The following PTPN9 variants were observed in gnomAD, a reference collection of about 807,000 sequenced individuals.
The protein encoded by PTPN9 is protein tyrosine phosphatase non-receptor type 9, also known as tyrosine-protein phosphatase non-receptor type 9.
A neutral mutation model predicts 69.8 loss-of-function variants in PTPN9; 26 were observed. The observed-to-expected ratio is 0.37, with a 90% CI of 0.27 to 0.52. PTPN9 has a LOEUF of 0.52. PTPN9 is among the 20% of genes least tolerant of loss of function. The probability of loss-of-function intolerance (pLI) is 0.91; values close to 1 mark genes in which losing one functional copy is unlikely to be tolerated. For synonymous variants in PTPN9, 274 were observed against 272.5 expected (o/e 1.01, Z -0.05); for missense variants, 549 against 740.3 (o/e 0.74, Z 3.00).
intron 8 of PTPN9, chr15:75,487,276 C>CTAA (rs1176554689): frequency 4.0e-5 from 6 of 149,656 alleles, no homozygotes; most frequent in African/African-American, 1.2e-4. Flanking sequence ...GTCCCCAAAG[C>CTAA]TAAGTAAATA....
Position 75,469,778 on chromosome 15 carries a change from AT to A in PTPN9, c.1567+13del, listed in dbSNP as rs748793696. 6.2e-6 allele frequency: 10 copies of A among 1,611,396 alleles called. No homozygotes were observed. Among genetic ancestry groups the A allele is most frequent in the Non-Finnish European group, 8.5e-6 (10 of 1,179,268 alleles). On this transcript the variant is annotated intron_variant, in intron 12 of 12. Coordinates refer to ENST00000618819, the MANE Select transcript of PTPN9 (RefSeq NM_002833.4). ...TGCCCCTGCAGACACCAAGAGCTGC[AT>A]TAGGTGCGTTACCTGTCCTGCCAAT...
At chr15:75,566,343 A>G (rs2075126383) in intron 1 of PTPN9, among the ~76,000 whole-genome samples, 1 of 152,230 alleles carries the variant, frequency 6.6e-6, no homozygotes, top group Non-Finnish European at 1.5e-5. Flanking sequence ...TAAACGTGTA[A>G]AGAACACATA....
intron 7 of PTPN9, among the ~76,000 whole-genome samples, chr15:75,495,753 CAAAAG>C (rs970087438): frequency 5.9e-5 from 9 of 151,622 alleles, no homozygotes; most frequent in Admixed American, 3.3e-4. Flanking sequence ...CAATAAAAAA[CAAAAG>C]AAAAAGAATG....
rs1377522518 is a variant in PTPN9, at chr15:75,509,042, CAT to C, written c.529-17_529-16del. On this transcript the variant is annotated splice_polypyrimidine_tract_variant and intron_variant, in intron 5 of 12. Transcript: ENST00000618819. Reference sequence around the variant, plus strand: ...GGAAATGCTCCCTGTGGAGAAAACACATGAGGATTTAAGTGTAATGGAACCTG... The same window carrying C: ...GGAAATGCTCCCTGTGGAGAAAACACGAGGATTTAAGTGTAATGGAACCTG... 1 of 1,604,226 alleles carries C rather than the reference CAT, an allele frequency of 6.2e-7. No homozygotes were observed. Among genetic ancestry groups the C allele is most frequent in the South Asian group, 1.1e-5 (1 of 90,690 alleles).
chr15:75,496,497 A>ATTTT (rs142240420), intron 7 of PTPN9, among the ~76,000 whole-genome samples: 1 of 147,596 alleles, frequency 6.8e-6, no homozygotes. Context: ...AGTATTATTA[A>ATTTT]CTTTTTTTTT....
rs1388427129 is a variant in PTPN9 at position 75,566,659 on chromosome 15, A to G, written c.63+12055T>C. On this transcript the variant is annotated intron_variant, in intron 1 of 12. Coordinates refer to ENST00000618819, the MANE Select transcript of PTPN9 (RefSeq NM_002833.4). ...GCACCACTGCACTCCAGCCTGGGCG[A>G]CAGAGTCTCACTCTGTCTCAAAAAA... 3.3e-5 allele frequency among the ~76,000 whole-genome samples: 5 copies of G among 151,788 alleles called. No individual in the cohort carries two copies. In the East Asian group the frequency reaches 9.7e-4, roughly 29 times the overall value.
At chr15:75,517,144 C>A in intron 5 of PTPN9, 115 bp downstream of exon 5, 1 of 702,122 alleles carries the variant, frequency 1.4e-6, no homozygotes, top group Non-Finnish European at 2.3e-6. Context: ...ATGACCTTTA[C>A]ATTGAACATA....
In PTPN9 at chr15:75,466,343, A is replaced by T. The variant is rs916927646; in HGVS notation, c.*2426T>A. On this transcript the variant is annotated 3_prime_UTR_variant, in exon 13 of 13. Coordinates refer to ENST00000618819, the MANE Select transcript of PTPN9 (RefSeq NM_002833.4). ...AATATTTCCCAGCCACAACTGCCCCAACTGGGCAGGCCATCAACAGCCAAC... is the reference window on the plus strand; with the variant it reads ...AATATTTCCCAGCCACAACTGCCCCTACTGGGCAGGCCATCAACAGCCAAC... 6.6e-6 allele frequency: 1 copy of T among 152,228 alleles called. No individual in the cohort carries two copies. The highest frequency in any genetic ancestry group is 2.4e-5 in the African/African-American group (1 of 41,454). 9.4% of individuals were successfully genotyped at this position (152,228 alleles called of 1,614,324 possible). A position where few individuals can be genotyped will look rare whatever the true frequency, so the allele number is the denominator to read the frequency against.
intron 7 of PTPN9, among the ~76,000 whole-genome samples, chr15:75,504,388 C>T (rs541375505): frequency 0.017 from 1,321 of 79,006 alleles, 20 homozygotes; most frequent in African/African-American, 0.064. Flanking sequence ...AGGTGGGGGG[C>T]TCAGCCCCCC....
Position 75,505,329 on chromosome 15 carries a change from G to T in PTPN9, c.968+346C>A, listed in dbSNP as rs530516264. On this transcript the variant is annotated intron_variant, in intron 7 of 12. Transcript: ENST00000618819. ...AGGGACACAAACACTGCGGAAGGCCGCAGGGTCCTCTGCCTAGGAAAACCA... is the reference window on the plus strand; with the variant it reads ...AGGGACACAAACACTGCGGAAGGCCTCAGGGTCCTCTGCCTAGGAAAACCA... Among the ~76,000 whole-genome samples the T allele has an allele frequency of 4.0e-5, 6 of 149,648 alleles. No individual in the cohort carries two copies. The East Asian group carries it at 5.9e-4, about 15-fold the overall frequency.
intron 10 of PTPN9, among the ~76,000 whole-genome samples, chr15:75,471,438 AC>A (rs1190164182): frequency 6.6e-6 from 1 of 152,068 alleles, no homozygotes; most frequent in African/African-American, 2.4e-5. Context: ...CCCTATCTCT[AC>A]TAAAAATACA....
chr15:75,485,826 C>T (rs1223674921), intron 8 of PTPN9, among the ~76,000 whole-genome samples: 9 of 151,324 alleles, frequency 5.9e-5, no homozygotes, highest in Middle Eastern at 3.4e-3. Flanking sequence ...GAAGGCCGGG[C>T]GCAGTGGCTC....
At chr15:75,554,876 C>A (rs118028692) in intron 1 of PTPN9, among the ~76,000 whole-genome samples, 2,457 of 152,262 alleles carry the variant, frequency 0.016, 36 homozygotes, top group Non-Finnish European at 0.028. Flanking sequence ...GGGCAACTAA[C>A]ACTGGAGTAA....
chr15:75,518,657 A>C lies in PTPN9; in HGVS notation c.423-1293T>G, dbSNP rs1375802472. ...ATATGGTGAAGCCCCATTTCTACTA[A>C]AAATACAAAATTAGCTGGGTATGGT... On this transcript the variant is annotated intron_variant, in intron 4 of 12. Transcript: ENST00000618819. 2.6e-5 allele frequency among the ~76,000 whole-genome samples: 4 copies of C among 152,024 alleles called. No individual in the cohort carries two copies. In the East Asian group the frequency reaches 7.8e-4, roughly 29 times the overall value.
intron 1 of PTPN9, among the ~76,000 whole-genome samples, chr15:75,564,385 A>G (rs2075117744): frequency 6.6e-6 from 1 of 151,214 alleles, no homozygotes; most frequent in African/African-American, 2.4e-5. Context: ...AGGAGGTCAG[A>G]AGATTGAGAC....
chr15:75,528,686 C>G (rs2074941609), intron 1 of PTPN9, among the ~76,000 whole-genome samples: 1 of 150,788 alleles, frequency 6.6e-6, no homozygotes, highest in South Asian at 2.1e-4. Flanking sequence ...GAGCCACTGC[C>G]CTCAGCACAT....
intron 7 of PTPN9, among the ~76,000 whole-genome samples, chr15:75,490,878 G>A (rs2074705602): frequency 6.6e-6 from 1 of 152,076 alleles, no homozygotes; most frequent in African/African-American, 2.4e-5. Context: ...GCCCGCCTCG[G>A]CCTCCCAAAG....
chr15:75,537,443 TAAAAAAAAAAA>T (rs71140168), intron 1 of PTPN9, among the ~76,000 whole-genome samples: 2 of 20,350 alleles, frequency 9.8e-5, no homozygotes, highest in African/African-American at 2.2e-4. Context: ...ATATCTTCCC[TAAAAAAAAAAA>T]AAAAAAAAAA....
intron 7 of PTPN9, among the ~76,000 whole-genome samples, chr15:75,490,709 C>T (rs1197998677): frequency 6.6e-6 from 1 of 152,130 alleles, no homozygotes; most frequent in Non-Finnish European, 1.5e-5. Context: ...ACTGCAAGCT[C>T]TACCTCCTGG....
Sources: gnomAD v4.1 joint callset for allele counts (sites outside exome capture counted in the v4.1 genomes callset) on GRCh38, gnomAD v4.1.1 for gene constraint, MANE v1.5 for transcripts, NCBI Gene and HGNC (gene_info 2026-07-23, HGNC 2026-07-21) for gene names.